The following ADGRF3 variants were observed in gnomAD, a reference collection of about 807,000 sequenced individuals.
The protein encoded by ADGRF3 is G protein-coupled receptor 113.
ADGRF3 carries 85 observed loss-of-function variants against 93.2 expected under a neutral mutation model. That is an observed-to-expected ratio of 0.91 (90% CI 0.77 to 1.09). The LOEUF (loss-of-function observed/expected upper bound fraction) is 1.09. Among genes scored for constraint, ADGRF3 ranks in the 50% least tolerant of loss-of-function variants. The probability of loss-of-function intolerance (pLI) is 0.00; values close to 1 mark genes in which losing one functional copy is unlikely to be tolerated. For synonymous variants in ADGRF3, 534 were observed against 532.5 expected (o/e 1.00, Z -0.04); for missense variants, 1,125 against 1,246.2 (o/e 0.90, Z 1.46).
chr2:26,310,095 G>T lies in ADGRF3; in HGVS notation c.2885C>A (p.Ala962Asp), dbSNP rs1558375753. 1 of 1,614,056 alleles carries T rather than the reference G, an allele frequency of 6.2e-7. No individual in the cohort carries two copies. ...GCLMDRKIQE[A>D]LRKRFCRAQA... ...GGCGCGGCAGAAGCGTTTGCGCAAAGCTTCTTGTATCTGCGGGAGAGGTAA... is the reference window on the plus strand; with the variant it reads ...GGCGCGGCAGAAGCGTTTGCGCAAATCTTCTTGTATCTGCGGGAGAGGTAA... The change falls in exon 12 of 14, where the codon GCT (alanine) becomes GAT (aspartate). Residue 962 changes from alanine (A) to aspartate (D), a missense_variant. Physicochemically the swap from Ala to Asp is moderately radical, Grantham distance 126. Transcript: ENST00000651242.
chr2:26,330,810 A>G (rs1675727512), intron 1 of ADGRF3, among the ~76,000 whole-genome samples: 1 of 152,100 alleles, frequency 6.6e-6, no homozygotes, highest in South Asian at 2.1e-4. Context: ...TGCATACCAG[A>G]AGAAAAAATG....
chr2:26,336,451 C>T (rs1342422537), intron 1 of ADGRF3, among the ~76,000 whole-genome samples: 2 of 151,554 alleles, frequency 1.3e-5, no homozygotes, highest in South Asian at 2.1e-4. Context: ...GGAGGCTAGG[C>T]GCAGTGGCTC....
rs1674753523 is a variant in ADGRF3 at position 26,316,966 on chromosome 2, C to G, written c.271G>C (p.Ala91Pro). ...GGCCTTGGGGAAGAGGAAGCTGAGGCAGCAGGGAGAGTCAGTGTCCTGGAG... is the reference window on the plus strand; with the variant it reads ...GGCCTTGGGGAAGAGGAAGCTGAGGGAGCAGGGAGAGTCAGTGTCCTGGAG... Reference protein sequence around the residue: ...ELSRTLTLPAASASSSPRPLL... With the variant: ...ELSRTLTLPAPSASSSPRPLL... Residue 91 changes from alanine (A) to proline (P), a missense_variant, in exon 3 of 14, where the codon GCC becomes CCC. By Grantham distance (27) the Ala-to-Pro change is conservative (BLOSUM62 -1). Transcript: ENST00000651242. 3.1e-6 allele frequency: 5 copies of G among 1,612,990 alleles called. No individual in the cohort carries two copies. Among genetic ancestry groups the G allele is most frequent in the Non-Finnish European group, 1.7e-6 (2 of 1,179,630 alleles).
chr2:26,317,893 A>G (rs1674841948), intron 1 of ADGRF3: 5 of 812,432 alleles, frequency 6.2e-6, no homozygotes, highest in South Asian at 4.6e-5. Context: ...GGAGCTGGAC[A>G]TTGCTGGCTG....
intron 1 of ADGRF3, among the ~76,000 whole-genome samples, chr2:26,327,437 G>C (rs1675493914): frequency 6.6e-6 from 1 of 152,052 alleles, no homozygotes. Flanking sequence ...GCAGCTTTCT[G>C]TTACTTGCAG....
intron 1 of ADGRF3, among the ~76,000 whole-genome samples, chr2:26,319,863 G>C (rs1384203609): frequency 1.3e-5 from 2 of 152,060 alleles, no homozygotes; most frequent in African/African-American, 4.8e-5. Flanking sequence ...CCAAGTAGCT[G>C]AGATTACACA....
chr2:26,336,236 C>A (rs763212550), intron 1 of ADGRF3, among the ~76,000 whole-genome samples: 57 of 151,710 alleles, frequency 3.8e-4, no homozygotes, highest in Admixed American at 2.1e-3. Flanking sequence ...CAGTCACGAA[C>A]AAAGGAACAG....
intron 1 of ADGRF3, 22 bp downstream of exon 1, chr2:26,346,098 TG>T: frequency 6.4e-7 from 1 of 1,555,980 alleles, no homozygotes. Context: ...GCGTGCGCGG[TG>T]GGCGGAGCGC....
chr2:26,332,355 G>A lies in ADGRF3; in HGVS notation c.114+13766C>T, dbSNP rs1342950234. 5.9e-5 allele frequency among the ~76,000 whole-genome samples: 9 copies of A among 152,322 alleles called. No homozygotes were observed. The East Asian group carries it at 1.5e-3, about 26-fold the overall frequency. ...AGAAATGGAGGTGGAATTAGATCAT[G>A]AAGGGCTGTCCATACTGGAAAGCAG... On this transcript the variant is annotated intron_variant, in intron 1 of 13. Transcript: ENST00000651242.
chr2:26,311,550 C>G lies in ADGRF3; in HGVS notation c.1974G>C (p.Arg658Ser). Residue 658 changes from arginine to serine, a missense_variant, in exon 10 of 14, where the codon AGG (arginine) becomes AGC (serine). Transcript: ENST00000651242. ...VFWDHSLFQG[R>S]GGWSKEGCQA... ...GGCACCCTTCTTTGGACCAACCCCC[C>G]CTGCCCTGGAAGAGACTGTGATCCC... 5 of 1,614,008 alleles carry G rather than the reference C, an allele frequency of 3.1e-6. No individual in the cohort carries two copies. The highest frequency in any genetic ancestry group is 4.2e-6 in the Non-Finnish European group (5 of 1,179,904).
chr2:26,326,067 T>G (rs902621418), intron 1 of ADGRF3, among the ~76,000 whole-genome samples: 2 of 152,158 alleles, frequency 1.3e-5, no homozygotes, highest in East Asian at 3.9e-4. Flanking sequence ...AAAGCAGACA[T>G]GAGTCAGCTT....
intron 1 of ADGRF3, among the ~76,000 whole-genome samples, chr2:26,322,152 C>T (rs1003067439): frequency 6.7e-5 from 10 of 149,224 alleles, no homozygotes; most frequent in African/African-American, 9.9e-5. Flanking sequence ...TGTGGTGGTG[C>T]GTGCCTGTAA....
At chr2:26,332,448 T>C (rs1212214464) in intron 1 of ADGRF3, among the ~76,000 whole-genome samples, 4 of 152,080 alleles carry the variant, frequency 2.6e-5, no homozygotes, top group African/African-American at 9.7e-5. Context: ...AAGTGATGAA[T>C]ACAAAATTAG....
At chr2:26,314,326 G>T in intron 6 of ADGRF3, 88 bp downstream of exon 6, 2 of 1,276,236 alleles carry the variant, frequency 1.6e-6, no homozygotes, top group Non-Finnish European at 1.1e-6. Context: ...TGTGGCCTCT[G>T]TTTCTCATGA....
intron 2 of ADGRF3, 120 bp downstream of exon 2, chr2:26,317,376 C>T (rs1674793693): frequency 3.2e-6 from 3 of 948,214 alleles, no homozygotes; most frequent in Non-Finnish European, 4.9e-6. Context: ...AGAGCCAGTC[C>T]TCTCTCTCCG....
rs973210250 is a variant in ADGRF3 at position 26,311,129 on chromosome 2, C to T, written c.2395G>A (p.Ala799Thr). The T allele has an allele frequency of 6.9e-6, 11 of 1,595,672 alleles. No individual in the cohort carries two copies. Among genetic ancestry groups the T allele is most frequent in the Admixed American group, 1.8e-5 (1 of 56,620 alleles). ...FWMLAQALVL[A>T]HQLLFVFHQL... The stretch of plus-strand genomic sequence containing the variant: ...TGAAAGACAAAGAGCAGCTGGTGGG[C>T]CAACACCAGGGCCTGCGCCAGCATC... Residue 799 changes from alanine (A) to threonine (T), a missense_variant, in exon 10 of 14, where the codon GCC becomes ACC. Transcript: ENST00000651242.
chr2:26,310,642 C>T (rs1408089517), intron 10 of ADGRF3, 50 bp downstream of exon 10: 3 of 1,546,340 alleles, frequency 1.9e-6, no homozygotes, highest in Non-Finnish European at 2.6e-6. Context: ...TCGGCAGTGA[C>T]TTAGACCATC....
At position 26,311,276 on chromosome 2, in the gene ADGRF3, A is replaced by C. The variant is rs145462360; in HGVS notation, c.2248T>G (p.Cys750Gly). The change falls in exon 10 of 14, where the codon TGC becomes GGC. Residue 750 changes from cysteine to glycine, a missense_variant. Physicochemically the swap from Cys to Gly is radical, Grantham distance 159. Transcript: ENST00000651242. ...AAGCAAGTGTCTGCGGCCAGCAAGC[A>C]GAACACCATGTTGAGCAGGGCGGCG... ...RHAALLNMVF[C>G]LLAADTCFLG... The C allele has an allele frequency of 6.2e-7, 1 of 1,613,584 alleles. No individual in the cohort carries two copies. The highest frequency in any genetic ancestry group is 8.5e-7 in the Non-Finnish European group (1 of 1,179,802).
chr2:26,313,654 C>T (rs573379932), intron 7 of ADGRF3, 81 bp from the exon 8 acceptor site: 22 of 1,561,664 alleles, frequency 1.4e-5, no homozygotes, highest in African/African-American at 9.5e-5. Context: ...ATGCGGGCCC[C>T]GAAGCCTGGT....
Sources: gnomAD v4.1 joint callset for allele counts (sites outside exome capture counted in the v4.1 genomes callset) on GRCh38, gnomAD v4.1.1 for gene constraint, MANE v1.5 for transcripts, NCBI Gene and HGNC (gene_info 2026-07-23, HGNC 2026-07-21) for gene names.